WRNIP1: variants seen among roughly 807,000 people sequenced by gnomAD.
The protein encoded by WRNIP1 is ATPase WRNIP1.
A neutral mutation model predicts 56.1 loss-of-function variants in WRNIP1; 41 were observed. The ratio of observed to expected loss-of-function variants is 0.73; its 90% CI spans 0.57 to 0.95. WRNIP1 has a LOEUF of 0.95. Ranked by LOEUF, WRNIP1 falls within the 40% of genes least tolerant of loss-of-function variation. The pLI, the probability that WRNIP1 is intolerant of heterozygous loss-of-function variation, is 0.00. For synonymous variants in WRNIP1, 547 were observed against 398.1 expected, an observed-to-expected ratio of 1.37 and a Z score of -4.45; for missense variants, 1,170 against 939.4, an observed-to-expected ratio of 1.25 and a Z score of -3.21.
rs568799899 is a variant in WRNIP1, at chr6:2,773,727, G to A, written c.1256+3366G>A. 20 of 983,024 alleles carry A rather than the reference G, an allele frequency of 2.0e-5. No individual in the cohort carries two copies. In the South Asian group the frequency reaches 8.5e-4, roughly 42 times the overall value. 60.9% of individuals were successfully genotyped at this position (983,024 alleles called of 1,614,324 possible). Reference sequence around the variant, plus strand: ...CTACTTGCTGCTTTGAAGGAATATAGATTCCTAGGTCATAGAATATATACA... The same window carrying A: ...CTACTTGCTGCTTTGAAGGAATATAAATTCCTAGGTCATAGAATATATACA... On this transcript the variant is annotated intron_variant, in intron 3 of 6. Transcript: ENST00000380773.
At chr6:2,767,847 T>C (rs1194271199) in intron 1 of WRNIP1, among the ~76,000 whole-genome samples, 1 of 152,182 alleles carries the variant, frequency 6.6e-6, no homozygotes, top group African/African-American at 2.4e-5. Context: ...CCTAGGCATC[T>C]GTGACTTGCG....
intron 3 of WRNIP1, among the ~76,000 whole-genome samples, chr6:2,772,029 A>G (rs1246668141): frequency 1.3e-5 from 2 of 152,234 alleles, no homozygotes; most frequent in Non-Finnish European, 2.9e-5. Context: ...AGTCAATAAT[A>G]ATCAGTTGTT....
chr6:2,783,507 G>T lies in WRNIP1; in HGVS notation c.1588G>T (p.Glu530Ter). 1 of 1,613,940 alleles carries T rather than the reference G, an allele frequency of 6.2e-7. No homozygotes were observed. The highest frequency in any genetic ancestry group is 1.3e-5 in the African/African-American group (1 of 75,026). ...GCTGGCTCGCATGCTCGAGGGAGGA[G>T]AGGACCCACTCTACGTGGCACGGAG... ...YWLARMLEGGEDPLYVARRLV... is the reference protein window; with the variant it reads ...YWLARMLEGG Residue 530 changes from glutamate (E) to a stop codon, truncating the protein, a stop_gained, in exon 5 of 7, where the codon GAG becomes TAG. Coordinates refer to ENST00000380773, the MANE Select transcript of WRNIP1 (RefSeq NM_020135.3). LOFTEE classifies it high-confidence loss of function.
intron 3 of WRNIP1, among the ~76,000 whole-genome samples, chr6:2,772,805 T>A (rs1391705939): frequency 2.0e-5 from 3 of 152,226 alleles, no homozygotes; most frequent in African/African-American, 7.2e-5. Context: ...TTAGTTGTTT[T>A]AGGTAAAATT....
chr6:2,767,186 A>G (rs1765053044), intron 1 of WRNIP1, among the ~76,000 whole-genome samples: 1 of 152,214 alleles, frequency 6.6e-6, no homozygotes, highest in Non-Finnish European at 1.5e-5. Flanking sequence ...CAGTTAGGAT[A>G]TTGTGAGTCT....
At chr6:2,780,794 T>C (rs1281089451) in intron 4 of WRNIP1, among the ~76,000 whole-genome samples, 1 of 152,174 alleles carries the variant, frequency 6.6e-6, no homozygotes, top group African/African-American at 2.4e-5. Context: ...TCTCTTCTTG[T>C]AGGTGTCCCA....
At position 2,765,488 on chromosome 6, in the gene WRNIP1, T is replaced by C. The variant is rs1764895817; in HGVS notation, c.-135T>C. ...ACGTGAGGCATGAGCGGCGCCCTCC[T>C]CCGGCCCGCGAGCGTCCTGCTGGTT... On this transcript the variant is annotated 5_prime_UTR_variant, in exon 1 of 7. Coordinates refer to ENST00000380773, the MANE Select transcript of WRNIP1 (RefSeq NM_020135.3). 12 of 1,164,148 alleles carry C rather than the reference T, an allele frequency of 1.0e-5. No homozygotes were observed. Among genetic ancestry groups the C allele is most frequent in the Non-Finnish European group, 1.3e-5 (12 of 921,476 alleles). 72.1% of individuals were successfully genotyped at this position (1,164,148 alleles called of 1,614,324 possible).
intron 3 of WRNIP1, among the ~76,000 whole-genome samples, chr6:2,778,273 TC>T (rs1765477928): frequency 6.6e-6 from 1 of 152,192 alleles, no homozygotes; most frequent in South Asian, 2.1e-4. Context: ...CTGTAGATGT[TC>T]TCAGCTGAAT....
At chr6:2,779,567 C>G in intron 4 of WRNIP1, 75 bp downstream of exon 4, 1 of 1,477,450 alleles carries the variant, frequency 6.8e-7, no homozygotes, top group Non-Finnish European at 9.2e-7. Context: ...TTCCGGAAGC[C>G]TGACTGGGTT....
rs1226240838 is a variant in WRNIP1 at position 2,785,659 on chromosome 6, T to C, written c.*377T>C. On this transcript the variant is annotated 3_prime_UTR_variant, in exon 7 of 7. Transcript: ENST00000380773. Reference sequence around the variant, plus strand: ...TGGGTAGTTTTAATTGGTAAAAAAATGTAATTGTGATTTAATACTGCATAG... The same window carrying C: ...TGGGTAGTTTTAATTGGTAAAAAAACGTAATTGTGATTTAATACTGCATAG... 4 of 212,012 alleles carry C rather than the reference T, an allele frequency of 1.9e-5. No homozygotes were observed. Among genetic ancestry groups the C allele is most frequent in the Non-Finnish European group, 2.9e-5 (3 of 104,992 alleles). 13.1% of individuals were successfully genotyped at this position (212,012 alleles called of 1,614,324 possible).
At chr6:2,767,946 C>T (rs1277717257) in intron 1 of WRNIP1, among the ~76,000 whole-genome samples, 1 of 152,196 alleles carries the variant, frequency 6.6e-6, no homozygotes, top group South Asian at 2.1e-4. Flanking sequence ...AAGAAAGTAC[C>T]ACCTTTCCAT....
chr6:2,775,135 G>C (rs1011162281), intron 3 of WRNIP1, among the ~76,000 whole-genome samples: 1 of 152,230 alleles, frequency 6.6e-6, no homozygotes, highest in Non-Finnish European at 1.5e-5. Context: ...GCATGTCTCT[G>C]TCTTCTCAGT....
rs1344407220 is a variant in WRNIP1, at chr6:2,786,008, A to G, written c.*726A>G. 4 of 151,890 alleles carry G rather than the reference A, an allele frequency of 2.6e-5. No individual in the cohort carries two copies. The highest frequency in any genetic ancestry group is 9.7e-5 in the African/African-American group (4 of 41,370). The allele number at this position is 151,890 out of a possible 1,614,324, so 9.4% of individuals were successfully genotyped here. On this transcript the variant is annotated 3_prime_UTR_variant, in exon 7 of 7. Transcript: ENST00000380773. Reference sequence around the variant, plus strand: ...CCCACTTGTCCTGGTTTCTTCTTGCAGCTCCATATTTCTAAACAGTCGTTT... The same window carrying G: ...CCCACTTGTCCTGGTTTCTTCTTGCGGCTCCATATTTCTAAACAGTCGTTT...
intron 3 of WRNIP1, chr6:2,774,205 G>A: frequency 1.0e-6 from 1 of 985,300 alleles, no homozygotes; most frequent in Non-Finnish European, 1.2e-6. Flanking sequence ...TTTAATACAA[G>A]GGTGCATTAA....
At chr6:2,770,673 A>G (rs1765245317) in intron 3 of WRNIP1, among the ~76,000 whole-genome samples, 1 of 152,122 alleles carries the variant, frequency 6.6e-6, no homozygotes, top group African/African-American at 2.4e-5. Context: ...AGCCTTATTG[A>G]TGATTTGAAA....
chr6:2,766,225 G>C lies in WRNIP1; in HGVS notation c.603G>C (p.Gly201=), dbSNP rs1764971068. ...ADAAEAATAF[G]ASGGGRPHPR... ...CTGCCGAAGCCGCCACCGCCTTCGG[G>C]GCCAGTGGCGGGGGCCGCCCGCACC... The change falls in exon 1 of 7, where the codon GGG becomes GGC. Residue 201 remains glycine, a synonymous_variant. Transcript: ENST00000380773. 4 of 1,471,450 alleles carry C rather than the reference G, an allele frequency of 2.7e-6. No homozygotes were observed. Among genetic ancestry groups the C allele is most frequent in the Non-Finnish European group, 2.7e-6 (3 of 1,109,322 alleles). 91.1% of individuals were successfully genotyped at this position (1,471,450 alleles called of 1,614,324 possible). A position where few individuals can be genotyped will look rare whatever the true frequency, so the allele number is the denominator to read the frequency against.
chr6:2,782,129 C>G (rs773274283), intron 4 of WRNIP1, among the ~76,000 whole-genome samples: 2 of 152,370 alleles, frequency 1.3e-5, no homozygotes, highest in East Asian at 1.9e-4. Context: ...CTACCCTCTT[C>G]CCCGCCTTCC....
intron 5 of WRNIP1, among the ~76,000 whole-genome samples, chr6:2,783,773 A>T (rs548077090): frequency 1.3e-5 from 2 of 150,206 alleles, no homozygotes; most frequent in South Asian, 4.2e-4. Context: ...TGTGCTTTTG[A>T]ATGTTTATGT....
Position 2,786,076 on chromosome 6 carries a change from C to T in WRNIP1, c.*794C>T, listed in dbSNP as rs1389571497. On this transcript the variant is annotated 3_prime_UTR_variant, in exon 7 of 7. Transcript: ENST00000380773. Reference sequence around the variant, plus strand: ...TGTCCTGAACACAAAATACGCCACTCCTTCTGCTCAGTTAAGAGTTATTTG... The same window carrying T: ...TGTCCTGAACACAAAATACGCCACTTCTTCTGCTCAGTTAAGAGTTATTTG... 6.6e-6 allele frequency: 1 copy of T among 152,126 alleles called. No individual in the cohort carries two copies. The highest frequency in any genetic ancestry group is 1.5e-5 in the Non-Finnish European group (1 of 68,040). 9.4% of individuals were successfully genotyped at this position (152,126 alleles called of 1,614,324 possible).
Sources: allele counts gnomAD v4.1 joint callset (sites outside exome capture counted in the v4.1 genomes callset), GRCh38; gene constraint gnomAD v4.1.1; transcripts MANE v1.5; gene names NCBI Gene and HGNC (gene_info 2026-07-23, HGNC 2026-07-21).